SAMD12: variants seen among roughly 807,000 people sequenced by gnomAD.
SAMD12 encodes the protein sterile alpha motif domain containing 12.
In SAMD12, 9 loss-of-function variants were observed where a neutral mutation model predicts 15.0. That is an observed-to-expected ratio of 0.60 (90% CI 0.36 to 1.05). The LOEUF is 1.05. Among genes scored for constraint, SAMD12 ranks in the 50% least tolerant of loss-of-function variants. The pLI is 0.01. For missense variants in SAMD12, 230 were observed against 234.2 expected (o/e 0.98, Z 0.12); for synonymous variants, 86 against 90.1 (o/e 0.96, Z 0.25).
intron 4 of SAMD12, among the ~76,000 whole-genome samples, chr8:118,306,286 G>T (rs1815343829): frequency 6.6e-6 from 1 of 152,154 alleles, no homozygotes. Context: ...CTGTGGTAGT[G>T]ACTCCTGGTT....
chr8:118,439,327 G>A (rs1283746423), intron 3 of SAMD12, among the ~76,000 whole-genome samples: 5 of 152,160 alleles, frequency 3.3e-5, no homozygotes, highest in Non-Finnish European at 5.9e-5. Context: ...ACAGGGAAAT[G>A]GATGGCCAGA....
chr8:118,183,816 C>T, the SAMD12 span, among the ~76,000 whole-genome samples: 5 of 152,202 alleles, frequency 3.3e-5, no homozygotes, highest in African/African-American at 1.2e-4. Flanking sequence ...TTTTTCATCC[C>T]TCACCCCTCT....
intron 2 of SAMD12, among the ~76,000 whole-genome samples, chr8:118,482,040 G>A (rs1179690235): frequency 6.6e-6 from 1 of 152,190 alleles, no homozygotes; most frequent in African/African-American, 2.4e-5. Context: ...TGGAAGAGCA[G>A]GGATTCACAT....
chr8:118,520,344 T>C (rs1387041680), intron 2 of SAMD12, among the ~76,000 whole-genome samples: 5 of 152,168 alleles, frequency 3.3e-5, no homozygotes, highest in African/African-American at 1.2e-4. Flanking sequence ...AGGTCTGAAC[T>C]GGCAGGCATG....
chr8:118,348,124 T>C (rs867618883), intron 4 of SAMD12, among the ~76,000 whole-genome samples: 27 of 152,354 alleles, frequency 1.8e-4, no homozygotes, highest in Admixed American at 1.6e-3. Flanking sequence ...TGGCCCAGGC[T>C]GGAGTGCAAC....
chr8:118,496,924 A>C (rs530141515), intron 2 of SAMD12, among the ~76,000 whole-genome samples: 2 of 152,238 alleles, frequency 1.3e-5, no homozygotes, highest in African/African-American at 4.8e-5. Context: ...ACATGAACAC[A>C]CACTTCTCAA....
intron 2 of SAMD12, among the ~76,000 whole-genome samples, chr8:118,517,909 G>T (rs527545638): frequency 5.9e-5 from 9 of 152,246 alleles, no homozygotes; most frequent in African/African-American, 1.9e-4. Flanking sequence ...CTTCAGTCAC[G>T]ATTGAATCTG....
At chr8:118,461,820 G>A (rs934693926) in intron 2 of SAMD12, among the ~76,000 whole-genome samples, 4 of 152,110 alleles carry the variant, frequency 2.6e-5, no homozygotes, top group Non-Finnish European at 4.4e-5. Flanking sequence ...TACCCATCGG[G>A]GAAACATGCT....
intron 3 of SAMD12, among the ~76,000 whole-genome samples, chr8:118,418,532 C>T (rs934493263): frequency 3.3e-5 from 5 of 152,042 alleles, no homozygotes; most frequent in African/African-American, 4.8e-5. Flanking sequence ...TAGTCTAACT[C>T]GGTGAAACCC....
At chr8:118,302,924 AT>A (rs1164163652) in intron 4 of SAMD12, among the ~76,000 whole-genome samples, 1 of 152,214 alleles carries the variant, frequency 6.6e-6, no homozygotes, top group Non-Finnish European at 1.5e-5. Flanking sequence ...CCCAGCATAT[AT>A]TAAATCAAAG....
the SAMD12 span, among the ~76,000 whole-genome samples, chr8:118,179,436 TC>T: frequency 8.8e-6 from 1 of 113,786 alleles, no homozygotes; most frequent in Non-Finnish European, 1.7e-5. Flanking sequence ...AAACTCCGTC[TC>T]CGAAAAAAAA....
intron 4 of SAMD12, among the ~76,000 whole-genome samples, chr8:118,271,602 CT>C (rs1189519487): frequency 6.6e-6 from 1 of 152,186 alleles, no homozygotes; most frequent in African/African-American, 2.4e-5. Context: ...TCCCTTCCAC[CT>C]ATGAGCCTGT....
chr8:118,481,196 C>G (rs1586751992), intron 2 of SAMD12, among the ~76,000 whole-genome samples: 1 of 115,514 alleles, frequency 8.7e-6, no homozygotes, highest in Admixed American at 9.5e-5. Flanking sequence ...CTCAAGTGAT[C>G]CGCCTGCCTT....
rs34663653 is a variant in SAMD12 at position 118,584,919 on chromosome 8, G to GTATA, written c.14-4030_14-4027dup. Among the ~76,000 whole-genome samples the GTATA allele has an allele frequency of 4.2e-3, 577 of 139,006 alleles. 7 individuals are homozygous for GTATA. Among genetic ancestry groups the GTATA allele is most frequent in the African/African-American group, 0.016 (536 of 34,564 alleles). The allele number at this position is 139,006 out of a possible 152,430, so 91.2% of individuals were successfully genotyped here. The stretch of plus-strand genomic sequence containing the variant: ...TTTAATCCAACAATTCAACTTGTAG[G>GTATA]TATACACACACACACACACACACAC... On this transcript the variant is annotated intron_variant, in intron 1 of 3. Coordinates refer to ENST00000314727, the MANE Select transcript of SAMD12 (RefSeq NM_207506.3).
At position 118,275,556 on chromosome 8, in the gene SAMD12, A is replaced by C. The variant is rs191149875; in HGVS notation, c.434-77824T>G. 5.3e-5 allele frequency among the ~76,000 whole-genome samples: 8 copies of C among 152,318 alleles called. No homozygotes were observed. The East Asian group carries it at 1.5e-3, about 29-fold the overall frequency. ...CAAAAATCTGCTTTTTTAAAAAAGT[A>C]ATTACAACTTTTATTTTAGATTCAG... On this transcript the variant is annotated intron_variant, in intron 4 of 4. Coordinates refer to the SAMD12 transcript ENST00000409003.
chr8:118,150,101 G>A, the SAMD12 span, among the ~76,000 whole-genome samples: 168 of 152,298 alleles, frequency 1.1e-3, no homozygotes, highest in Admixed American at 3.5e-3. Context: ...GATATGGTGA[G>A]TAGAGGCCAA....
At chr8:118,244,827 G>A (rs923764937) in intron 4 of SAMD12, among the ~76,000 whole-genome samples, 1 of 152,106 alleles carries the variant, frequency 6.6e-6, no homozygotes, top group Admixed American at 6.6e-5. Flanking sequence ...AATTTATAGA[G>A]AGAAACCAAA....
chr8:118,318,655 C>T (rs970238071), intron 4 of SAMD12, among the ~76,000 whole-genome samples: 4 of 151,968 alleles, frequency 2.6e-5, no homozygotes, highest in Non-Finnish European at 5.9e-5. Context: ...TCTCAGAATT[C>T]ACCTCTATAT....
chr8:118,464,353 C>T (rs886368300), intron 2 of SAMD12, among the ~76,000 whole-genome samples: 2 of 152,112 alleles, frequency 1.3e-5, no homozygotes, highest in African/African-American at 2.4e-5. Context: ...TATTTCCACT[C>T]GCCCACGACA....
Sources: allele counts gnomAD v4.1 joint callset (sites outside exome capture counted in the v4.1 genomes callset), GRCh38; gene constraint gnomAD v4.1.1; transcripts MANE v1.5; gene names NCBI Gene and HGNC (gene_info 2026-07-23, HGNC 2026-07-21).